The following SEMA5A variants were observed in gnomAD, a reference collection of about 807,000 sequenced individuals.
SEMA5A encodes the protein semaphorin-5A.
A neutral mutation model predicts 135.5 loss-of-function variants in SEMA5A; 55 were observed. The observed-to-expected ratio is 0.41, with a 90% CI of 0.33 to 0.51. SEMA5A has a LOEUF of 0.51. SEMA5A is among the 20% of genes least tolerant of loss of function. The pLI, the probability that SEMA5A is intolerant of heterozygous loss-of-function variation, is 0.37. For synonymous variants in SEMA5A, 580 were observed against 546.5 expected (o/e 1.06, Z -0.85); for missense variants, 1,290 against 1,419.9 (o/e 0.91, Z 1.47).
chr5:9,385,741 T>C (rs948451256), intron 2 of SEMA5A, among the ~76,000 whole-genome samples: 17 of 150,132 alleles, frequency 1.1e-4, no homozygotes, highest in African/African-American at 3.9e-4. Context: ...CAGATTGTCA[T>C]AATGTAAAAA....
rs1806074 is a variant in SEMA5A at position 9,204,060 on chromosome 5, C to T, written c.647-1820G>A. ...GAAGCAGGCCCCAAAAGCAAAGATA[C>T]GGAACAATTTCAAAACCATGTGTAA... is the stretch of plus-strand genomic sequence containing the variant. On this transcript the variant is annotated intron_variant, in intron 8 of 22. Coordinates refer to ENST00000382496, the MANE Select transcript of SEMA5A (RefSeq NM_003966.3). The surrounding 1 kb of genome is among the most constrained non-coding windows in gnomAD (Gnocchi z 6.4). 0.088 allele frequency among the ~76,000 whole-genome samples: 13,312 copies of T among 152,010 alleles called. 1,395 individuals are homozygous for T. The highest frequency in any genetic ancestry group is 0.24 in the African/African-American group (9,765 of 41,408).
rs1284686006 is a variant in SEMA5A, at chr5:9,040,245, TAAAGAA to T, written c.*2646_*2651del. On this transcript the variant is annotated 3_prime_UTR_variant, in exon 23 of 23. Coordinates refer to ENST00000382496, the MANE Select transcript of SEMA5A (RefSeq NM_003966.3). The stretch of plus-strand genomic sequence containing the variant: ...AGGGAATGAAGGACAAAAACAAAGA[TAAAGAA>T]AGAGAGAATGAAAAGGTCATTCAGG... 1 of 151,936 alleles carries T rather than the reference TAAAGAA, an allele frequency of 6.6e-6. No individual in the cohort carries two copies. The highest frequency in any genetic ancestry group is 6.6e-5 in the Admixed American group (1 of 15,262). The allele number at this position is 151,936 out of a possible 1,614,324, so 9.4% of individuals were successfully genotyped here. A position where few individuals can be genotyped will look rare whatever the true frequency, so the allele number is the denominator to read the frequency against.
chr5:9,200,008 G>A (rs778814026), intron 9 of SEMA5A, among the ~76,000 whole-genome samples: 30 of 152,236 alleles, frequency 2.0e-4, no homozygotes, highest in East Asian at 7.7e-4. Context: ...GCCCAGTATC[G>A]GACAGCTTTC....
intron 11 of SEMA5A, among the ~76,000 whole-genome samples, chr5:9,176,428 C>T (rs575023804): frequency 6.6e-6 from 1 of 152,360 alleles, no homozygotes; most frequent in Non-Finnish European, 1.5e-5. Context: ...GCAGCCCTAG[C>T]TGGCATCCTG....
chr5:9,485,582 G>A (rs1254633839), intron 1 of SEMA5A, among the ~76,000 whole-genome samples: 2 of 152,210 alleles, frequency 1.3e-5, no homozygotes, highest in Non-Finnish European at 2.9e-5. Context: ...TCAAGCAGCA[G>A]GAGCATAGTC....
intron 20 of SEMA5A, among the ~76,000 whole-genome samples, chr5:9,051,321 T>C (rs1356670450): frequency 2.0e-5 from 3 of 152,236 alleles, no homozygotes; most frequent in Non-Finnish European, 2.9e-5. Flanking sequence ...TATGCATTCA[T>C]ATAGCACCTT....
At chr5:9,273,113 A>G (rs1750071218) in intron 5 of SEMA5A, among the ~76,000 whole-genome samples, 1 of 152,174 alleles carries the variant, frequency 6.6e-6, no homozygotes, top group Non-Finnish European at 1.5e-5. Context: ...GAACCTTGAA[A>G]AAAGTTCTTG....
At chr5:9,112,698 C>T (rs2150164661) in intron 15 of SEMA5A, among the ~76,000 whole-genome samples, 1 of 152,320 alleles carries the variant, frequency 6.6e-6, no homozygotes, top group Non-Finnish European at 1.5e-5. Flanking sequence ...ATGCATTGGA[C>T]AGGCTCTAAC....
intron 1 of SEMA5A, among the ~76,000 whole-genome samples, chr5:9,524,928 T>C (rs547284596): frequency 1.2e-4 from 18 of 152,224 alleles, no homozygotes; most frequent in African/African-American, 4.1e-4. Flanking sequence ...TTAGATACCA[T>C]GGCAGGCTAA....
At chr5:9,443,772 G>C (rs929366069) in intron 1 of SEMA5A, among the ~76,000 whole-genome samples, 19 of 152,256 alleles carry the variant, frequency 1.2e-4, no homozygotes, top group Non-Finnish European at 2.9e-5. Flanking sequence ...GCCAGTTCCT[G>C]GCCATTCCCT....
At chr5:9,208,966 G>C (rs180911714) in intron 8 of SEMA5A, among the ~76,000 whole-genome samples, 1 of 152,240 alleles carries the variant, frequency 6.6e-6, no homozygotes, top group Admixed American at 6.5e-5. Context: ...CTTGCAGTAG[G>C]AGTGGAAAGA....
chr5:9,436,326 G>C (rs970998044), intron 2 of SEMA5A, among the ~76,000 whole-genome samples: 1 of 152,186 alleles, frequency 6.6e-6, no homozygotes, highest in Non-Finnish European at 1.5e-5. Context: ...GTTCTCCATG[G>C]GGGAGGGAAC....
At chr5:9,076,129 C>T (rs1349573509) in intron 16 of SEMA5A, among the ~76,000 whole-genome samples, 1 of 149,906 alleles carries the variant, frequency 6.7e-6, no homozygotes, top group East Asian at 2.0e-4. Context: ...TGCTTGAACC[C>T]GGGAAGCGGA....
chr5:9,293,835 C>T (rs1035138786), intron 5 of SEMA5A, among the ~76,000 whole-genome samples: 1 of 151,888 alleles, frequency 6.6e-6, no homozygotes, highest in African/African-American at 2.4e-5. Flanking sequence ...GTACTTTTTG[C>T]AAAAGTGAAT....
chr5:9,243,877 GTTTC>G (rs1440539976), intron 5 of SEMA5A, among the ~76,000 whole-genome samples: 1 of 152,078 alleles, frequency 6.6e-6, no homozygotes, highest in East Asian at 1.9e-4. Flanking sequence ...GATTTTTACA[GTTTC>G]TTTGTTTTCC....
chr5:9,185,864 G>T (rs1350497015), intron 11 of SEMA5A, among the ~76,000 whole-genome samples: 1 of 152,198 alleles, frequency 6.6e-6, no homozygotes, highest in Non-Finnish European at 1.5e-5. Context: ...CCATGGCCAT[G>T]CTGTGGAAAA....
chr5:9,169,263 G>C (rs370460452), intron 11 of SEMA5A, among the ~76,000 whole-genome samples: 2 of 152,218 alleles, frequency 1.3e-5, no homozygotes, highest in East Asian at 1.9e-4. Flanking sequence ...CAATGTGTTC[G>C]CATATTGAAT....
chr5:9,079,701 A>T (rs1041875020), intron 16 of SEMA5A, among the ~76,000 whole-genome samples: 1 of 152,146 alleles, frequency 6.6e-6, no homozygotes, highest in Non-Finnish European at 1.5e-5. Context: ...AATGTACAAG[A>T]AAAAAACAAA....
rs567633798 is a variant in SEMA5A at position 9,038,729 on chromosome 5, T to G, written c.*4168A>C. On this transcript the variant is annotated 3_prime_UTR_variant, in exon 23 of 23. Transcript: ENST00000382496. ...ATAGAGACCCCCCGCTAAGACTTTG[T>G]TCTTTTTTTTTTTTTTTGAGACAGG... is the stretch of plus-strand genomic sequence containing the variant. The G allele has an allele frequency of 1.2e-3, 57 of 45,916 alleles. No individual in the cohort carries two copies. Among genetic ancestry groups the G allele is most frequent in the African/African-American group, 4.0e-3 (54 of 13,442 alleles). The allele number at this position is 45,916 out of a possible 1,614,324, so 2.8% of individuals were successfully genotyped here. A position where few individuals can be genotyped will look rare whatever the true frequency, so the allele number is the denominator to read the frequency against.
Sources: gnomAD v4.1 joint callset for allele counts (sites outside exome capture counted in the v4.1 genomes callset) on GRCh38, gnomAD v4.1.1 for gene constraint, Gnocchi (gnomAD v3.1) non-coding constraint, MANE v1.5 for transcripts, NCBI Gene and HGNC (gene_info 2026-07-23, HGNC 2026-07-21) for gene names.